Variants in TPR observed in about 807,000 individuals in gnomAD.
TPR encodes translocated promoter region, nuclear basket protein.
TPR carries 51 observed loss-of-function variants against 316.1 expected under a neutral mutation model. That is an observed-to-expected ratio of 0.16 (90% CI 0.13 to 0.20). The LOEUF (loss-of-function observed/expected upper bound fraction) is 0.20. Among genes scored for constraint, TPR ranks in the 10% least tolerant of loss-of-function variants. The pLI is 1.00. For synonymous variants in TPR, 981 were observed against 914.7 expected (o/e 1.07, Z -1.31); for missense variants, 2,272 against 2,754.8 (o/e 0.82, Z 3.92).
chr1:186,326,073 A>G (rs761198795), intron 41 of TPR, 31 bp downstream of exon 41: 5 of 1,613,002 alleles, frequency 3.1e-6, no homozygotes, highest in Non-Finnish European at 4.2e-6. Context: ...CATAGAAAGA[A>G]CTATGAATGG....
intron 31 of TPR, among the ~76,000 whole-genome samples, chr1:186,337,790 G>A (rs1213868925): frequency 6.6e-6 from 1 of 151,694 alleles, no homozygotes; most frequent in Non-Finnish European, 1.5e-5. Flanking sequence ...TGAGTTATAA[G>A]AACATAGCTT....
Position 186,327,580 on chromosome 1 carries a change from A to C in TPR, c.5769T>G (p.Leu1923=). 1 of 1,612,840 alleles carries C rather than the reference A, an allele frequency of 6.2e-7. No homozygotes were observed. Among genetic ancestry groups the C allele is most frequent in the Non-Finnish European group, 8.5e-7 (1 of 1,179,768 alleles). The change falls in exon 40 of 51, where the codon CTT becomes CTG. Residue 1923 remains leucine (L), a synonymous_variant. Coordinates refer to ENST00000367478, the MANE Select transcript of TPR (RefSeq NM_003292.3). ...AAGTTGTCGTCTGCTGATCTGATTGAAGTGGCCCAAGATCTATTTGTAGAG... is the reference window on the plus strand; with the variant it reads ...AAGTTGTCGTCTGCTGATCTGATTGCAGTGGCCCAAGATCTATTTGTAGAG... ...SQSLQIDLGP[L]QSDQQTTTSS...
intron 40 of TPR, 99 bp downstream of exon 40, chr1:186,327,361 T>C (rs1658033248): frequency 1.2e-6 from 1 of 854,070 alleles, no homozygotes; most frequent in Non-Finnish European, 1.7e-6. Context: ...TTAAGCTGAC[T>C]GGGAACCAGA....
chr1:186,363,145 A>AT (rs1376558088), intron 5 of TPR, 144 bp from the exon 6 acceptor site: 17 of 1,071,844 alleles, frequency 1.6e-5, no homozygotes, highest in Admixed American at 3.0e-5. Context: ...ACTAGAAAAC[A>AT]TTAAGAACTG....
chr1:186,352,007 T>A lies in TPR; in HGVS notation c.2438A>T (p.Asn813Ile), dbSNP rs529000184. ...ESLLAEQRGQ[N>I]LLLTNLQTIQ... ...TGTTTGCAGATTAGTTAGCAGTAAG[T>A]TTTGCCCCCTTTGTTCAGCTAACAA... Residue 813 changes from asparagine to isoleucine, a missense_variant, in exon 19 of 51, where the codon AAC becomes ATC. This residue lies in a region of TPR where 757 missense variants were observed against 859.8 expected (regional missense o/e 0.88). Transcript: ENST00000367478. 6.2e-7 allele frequency: 1 copy of A among 1,607,080 alleles called. No individual in the cohort carries two copies. Among genetic ancestry groups the A allele is most frequent in the South Asian group, 1.1e-5 (1 of 89,354 alleles).
Position 186,338,013 on chromosome 1 carries a change from G to A in TPR, c.4362+20C>T. The A allele has an allele frequency of 2.0e-6, 3 of 1,537,566 alleles. No homozygotes were observed. The South Asian group carries it at 3.7e-5, about 19-fold the overall frequency. ...CATTCATCCTAGTTTTTTTTTGTAA[G>A]ATAAGTTTCTTCAAAATACCTTATC... On this transcript the variant is annotated intron_variant, in intron 31 of 50. Coordinates refer to ENST00000367478, the MANE Select transcript of TPR (RefSeq NM_003292.3).
In TPR at chr1:186,373,478, C is replaced by CA; in HGVS notation, c.152-16dup. ...ATACTGTTGTTCTACAGCAGACAAG[C>CA]AAAAAACAAAAAACAAAATCAAACA... On this transcript the variant is annotated splice_polypyrimidine_tract_variant and intron_variant, in intron 1 of 50. Transcript: ENST00000367478. The CA allele has an allele frequency of 6.8e-7, 1 of 1,477,484 alleles. No homozygotes were observed. Among genetic ancestry groups the CA allele is most frequent in the South Asian group, 1.2e-5 (1 of 86,278 alleles). 91.5% of individuals were successfully genotyped at this position (1,477,484 alleles called of 1,614,324 possible).
chr1:186,365,324 G>C (rs1430387711), intron 4 of TPR, among the ~76,000 whole-genome samples: 1 of 151,964 alleles, frequency 6.6e-6, no homozygotes, highest in Non-Finnish European at 1.5e-5. Flanking sequence ...TCGAACTCCT[G>C]ACCTCAGGTG....
At position 186,313,910 on chromosome 1, in the gene TPR, A is replaced by C; in HGVS notation, c.*61T>G. ...ATATAAAAATGTTTTTAAACTTGAC[A>C]ATCATTACACTAAAACAGATTTGAT... On this transcript the variant is annotated 3_prime_UTR_variant, in exon 51 of 51. Transcript: ENST00000367478. The C allele has an allele frequency of 1.3e-6, 2 of 1,568,382 alleles. No homozygotes were observed. The highest frequency in any genetic ancestry group is 1.8e-6 in the Non-Finnish European group (2 of 1,140,462).
Position 186,312,884 on chromosome 1 carries a change from CT to C in TPR, c.*1086del, listed in dbSNP as rs1557972937. 2 of 1,612,160 alleles carry C rather than the reference CT, an allele frequency of 1.2e-6. No homozygotes were observed. The highest frequency in any genetic ancestry group is 1.7e-6 in the Non-Finnish European group (2 of 1,178,264). On this transcript the variant is annotated 3_prime_UTR_variant, in exon 51 of 51. Transcript: ENST00000367478. ...AACCTGACGGCTATGATTACTATGC[CT>C]TTTCTAAAGGTAAGGTATTAACTAA...
At chr1:186,316,036 T>C (rs1191272111) in intron 49 of TPR, among the ~76,000 whole-genome samples, 1 of 151,640 alleles carries the variant, frequency 6.6e-6, no homozygotes, top group African/African-American at 2.4e-5. Flanking sequence ...AGTTTTACAT[T>C]ATCAAATAAA....
Position 186,361,727 on chromosome 1 carries a change from A to G in TPR, c.871-18T>C, listed in dbSNP as rs1349600986. 1 of 1,613,328 alleles carries G rather than the reference A, an allele frequency of 6.2e-7. No individual in the cohort carries two copies. Among genetic ancestry groups the G allele is most frequent in the Non-Finnish European group, 8.5e-7 (1 of 1,179,392 alleles). ...GCGGCACTCTAAAAGTTAATCTTAAAAAGTTACCTAACAGTCAACAATGCA... is the reference window on the plus strand; with the variant it reads ...GCGGCACTCTAAAAGTTAATCTTAAGAAGTTACCTAACAGTCAACAATGCA... On this transcript the variant is annotated intron_variant, in intron 8 of 50. Transcript: ENST00000367478.
chr1:186,369,042 G>C (rs1659438731), intron 3 of TPR, among the ~76,000 whole-genome samples: 1 of 152,280 alleles, frequency 6.6e-6, no homozygotes, highest in African/African-American at 2.4e-5. Context: ...TGGCACCCTT[G>C]TTGAAATTAG....
chr1:186,368,822 C>G (rs1373551601), intron 3 of TPR, among the ~76,000 whole-genome samples: 1 of 152,098 alleles, frequency 6.6e-6, no homozygotes, highest in African/African-American at 2.4e-5. Flanking sequence ...CAATCATTAC[C>G]AAGGCCAATG....
At chr1:186,366,290 T>C (rs1305951936) in intron 4 of TPR, among the ~76,000 whole-genome samples, 2 of 152,208 alleles carry the variant, frequency 1.3e-5, no homozygotes, top group East Asian at 1.9e-4. Context: ...AGGATGAAGA[T>C]GGTTGTGATG....
chr1:186,335,543 C>T lies in TPR; in HGVS notation c.4706G>A (p.Gly1569Asp). The change falls in exon 34 of 51, where the codon GGT becomes GAT. Residue 1569 changes from glycine to aspartate, a missense_variant and splice_region_variant. Around this residue, in one of 10 missense-constraint regions of TPR, gnomAD observed 109 missense variants for 215.3 expected, o/e 0.51. Transcript: ENST00000367478. Reference protein sequence around the residue: ...AAKSKIAHLAGVKDQLTKENE... With the variant: ...AAKSKIAHLADVKDQLTKENE... Reference sequence around the variant, plus strand: ...TTCTTTAGTTAGCTGATCTTTTACACCTAAAGAAGTAACCAGGCGATTATA... The same window carrying T: ...TTCTTTAGTTAGCTGATCTTTTACATCTAAAGAAGTAACCAGGCGATTATA... 1.3e-6 allele frequency: 2 copies of T among 1,581,894 alleles called. No individual in the cohort carries two copies. Among genetic ancestry groups the T allele is most frequent in the South Asian group, 2.4e-5 (2 of 84,962 alleles).
chr1:186,335,168 C>G, intron 34 of TPR, 39 bp from the exon 35 acceptor site: 1 of 1,580,734 alleles, frequency 6.3e-7, no homozygotes, highest in Non-Finnish European at 8.6e-7. Context: ...TCCTAGCCCA[C>G]AAGAGTCCAC....
rs915833045 is a variant in TPR at position 186,357,317 on chromosome 1, G to T, written c.1724+80C>A. The T allele has an allele frequency of 2.3e-5, 32 of 1,419,928 alleles. 1 individual carries two copies. In the Admixed American group the frequency reaches 5.9e-4, roughly 26 times the overall value. 88.0% of individuals were successfully genotyped at this position (1,419,928 alleles called of 1,614,324 possible). ...CCATTTAGGCCTCCCAAAACGTTGG[G>T]ATTACAGGCATGAGACACTGAGCCT... On this transcript the variant is annotated intron_variant, in intron 14 of 50. Coordinates refer to ENST00000367478, the MANE Select transcript of TPR (RefSeq NM_003292.3).
In TPR at chr1:186,356,328, T is replaced by C. The variant is rs770661134; in HGVS notation, c.1846A>G (p.Ile616Val). The C allele has an allele frequency of 6.2e-6, 10 of 1,612,360 alleles. No homozygotes were observed. In the Admixed American group the frequency reaches 1.7e-4, roughly 27 times the overall value. Residue 616 changes from isoleucine (I) to valine (V), a missense_variant, in exon 15 of 51, where the codon ATT (isoleucine) becomes GTT (valine). This residue lies in a region of TPR where 757 missense variants were observed against 859.8 expected (regional missense o/e 0.88). Coordinates refer to ENST00000367478, the MANE Select transcript of TPR (RefSeq NM_003292.3). Reference sequence around the variant, plus strand: ...ACTCCTGTTGTTTGTGACAATAAAATACGGTACATATCACGCTGACGAACT... The same window carrying C: ...ACTCCTGTTGTTTGTGACAATAAAACACGGTACATATCACGCTGACGAACT... ...SIVRQRDMYR[I>V]LLSQTTGVAI...
Sources: allele counts gnomAD v4.1 joint callset (sites outside exome capture counted in the v4.1 genomes callset), GRCh38; gene constraint gnomAD v4.1.1; regional missense constraint gnomAD v4.1.1; transcripts MANE v1.5; gene names NCBI Gene and HGNC (gene_info 2026-07-23, HGNC 2026-07-21).